RGS7: variants seen among roughly 807,000 people sequenced by gnomAD.
RGS7 encodes regulator of G-protein signaling 7.
RGS7 carries 27 observed loss-of-function variants against 81.1 expected under a neutral mutation model. That is an observed-to-expected ratio of 0.33 (90% CI 0.25 to 0.46). The LOEUF (loss-of-function observed/expected upper bound fraction) is 0.46, where lower values mean the gene tolerates loss of function less well. Among genes scored for constraint, RGS7 ranks in the 20% least tolerant of loss-of-function variants. The pLI, the probability that RGS7 is intolerant of heterozygous loss-of-function variation, is 1.00. For synonymous variants in RGS7, 208 were observed against 207.7 expected (o/e 1.00, Z -0.01); for missense variants, 396 against 607.4 (o/e 0.65, Z 3.66).
chr1:240,869,665 C>T (rs1449921777), intron 7 of RGS7, among the ~76,000 whole-genome samples: 2 of 152,242 alleles, frequency 1.3e-5, no homozygotes, highest in East Asian at 1.9e-4. Flanking sequence ...TGAGGCTGGG[C>T]GTGGTGGCTC....
At chr1:241,015,188 A>G (rs573423866) in intron 3 of RGS7, among the ~76,000 whole-genome samples, 173 of 152,320 alleles carry the variant, frequency 1.1e-3, no homozygotes, top group African/African-American at 4.0e-3. Context: ...ATCTTCTAAG[A>G]TAATCCTTTG....
chr1:240,830,439 G>A (rs573511219), intron 9 of RGS7, among the ~76,000 whole-genome samples: 121 of 152,294 alleles, frequency 7.9e-4, no homozygotes, highest in African/African-American at 2.8e-3. Context: ...TGTTCTGGGG[G>A]TGCTTGGCCC....
At chr1:241,228,014 A>T (rs1229982280) in intron 2 of RGS7, among the ~76,000 whole-genome samples, 1 of 152,076 alleles carries the variant, frequency 6.6e-6, no homozygotes, top group Non-Finnish European at 1.5e-5. Context: ...AGCCAACAGG[A>T]GGTGGTGGTG....
intron 2 of RGS7, among the ~76,000 whole-genome samples, chr1:241,105,871 A>G (rs1240873205): frequency 6.6e-6 from 1 of 152,234 alleles, no homozygotes; most frequent in Non-Finnish European, 1.5e-5. Context: ...GCATTTGGAG[A>G]TATAAATGGG....
intron 2 of RGS7, among the ~76,000 whole-genome samples, chr1:241,255,342 A>T (rs745723671): frequency 6.6e-6 from 1 of 152,188 alleles, no homozygotes; most frequent in East Asian, 1.9e-4. Flanking sequence ...ATTAATCATC[A>T]CCTAAAATCC....
intron 3 of RGS7, among the ~76,000 whole-genome samples, chr1:240,991,656 A>C (rs1387873857): frequency 2.0e-5 from 3 of 152,338 alleles, no homozygotes; most frequent in African/African-American, 7.2e-5. Context: ...CTTTTTAAAG[A>C]CCATTTTATA....
chr1:240,875,888 T>G (rs1459469436), intron 6 of RGS7, among the ~76,000 whole-genome samples: 1 of 152,326 alleles, frequency 6.6e-6, no homozygotes, highest in Non-Finnish European at 1.5e-5. Context: ...GGCTTATTCG[T>G]CTTCCTGCTT....
intron 2 of RGS7, among the ~76,000 whole-genome samples, chr1:241,247,685 G>C (rs1366822741): frequency 1.3e-5 from 2 of 151,572 alleles, no homozygotes; most frequent in African/African-American, 4.9e-5. Context: ...GACTAACCAA[G>C]GTTCCTTTTC....
intron 6 of RGS7, chr1:240,920,188 C>T (rs190264485): frequency 2.8e-6 from 3 of 1,075,126 alleles, no homozygotes; most frequent in Non-Finnish European, 4.3e-6. Flanking sequence ...GTTAGGAAAG[C>T]CCTGTCAAAG....
chr1:241,029,929 G>A lies in RGS7; in HGVS notation c.176-46800C>T, dbSNP rs150140068. 3.3e-3 allele frequency among the ~76,000 whole-genome samples: 504 copies of A among 152,240 alleles called. 4 individuals are homozygous for A. The highest frequency in any genetic ancestry group is 6.1e-3 in the Non-Finnish European group (414 of 68,022). ...TAAAAATAATCAGTTGTGGCAATAC[G>A]TGAAGCGGAGAGGCACAGATAACAG... On this transcript the variant is annotated intron_variant, in intron 3 of 18. Coordinates refer to ENST00000440928, the MANE Select transcript of RGS7 (RefSeq NM_001364886.1).
chr1:240,963,884 C>T (rs1472511109), intron 4 of RGS7, among the ~76,000 whole-genome samples: 3 of 152,178 alleles, frequency 2.0e-5, no homozygotes, highest in Non-Finnish European at 4.4e-5. Context: ...TGGTGGCCCA[C>T]GCCTGTAATC....
intron 3 of RGS7, among the ~76,000 whole-genome samples, chr1:241,062,456 T>C (rs192153801): frequency 3.2e-4 from 49 of 152,350 alleles, no homozygotes; most frequent in Non-Finnish European, 6.3e-4. Flanking sequence ...GGTGAAAATT[T>C]GATCAGAGAG....
chr1:240,892,854 G>T (rs1668485133), intron 6 of RGS7, among the ~76,000 whole-genome samples: 1 of 151,940 alleles, frequency 6.6e-6, no homozygotes, highest in African/African-American at 2.4e-5. Context: ...ATCATTCTTT[G>T]CTCAATTAAA....
At chr1:241,282,483 C>A (rs930012142) in intron 2 of RGS7, among the ~76,000 whole-genome samples, 1 of 152,110 alleles carries the variant, frequency 6.6e-6, no homozygotes, top group African/African-American at 2.4e-5. Flanking sequence ...ATGTATATTT[C>A]TTGGAATTTT....
intron 2 of RGS7, among the ~76,000 whole-genome samples, chr1:241,270,889 G>A (rs1401867158): frequency 6.8e-6 from 1 of 147,250 alleles, no homozygotes; most frequent in African/African-American, 2.5e-5. Context: ...CTCCCCAGTA[G>A]CTGGGGCTAC....
intron 9 of RGS7, among the ~76,000 whole-genome samples, chr1:240,830,963 G>A (rs984232923): frequency 2.0e-5 from 3 of 152,140 alleles, no homozygotes; most frequent in Non-Finnish European, 2.9e-5. Context: ...TGAACCATTA[G>A]CTTACATCTG....
At chr1:240,932,337 G>C (rs1245794138) in intron 5 of RGS7, among the ~76,000 whole-genome samples, 1 of 152,080 alleles carries the variant, frequency 6.6e-6, no homozygotes, top group Non-Finnish European at 1.5e-5. Context: ...TAAACTGCTA[G>C]ACAAAAGAGG....
intron 2 of RGS7, among the ~76,000 whole-genome samples, chr1:241,310,651 C>CA (rs1397270061): frequency 1.3e-5 from 2 of 151,438 alleles, no homozygotes; most frequent in African/African-American, 4.9e-5. Flanking sequence ...ACCAGGGAGT[C>CA]AATGACTGCC....
intron 3 of RGS7, among the ~76,000 whole-genome samples, chr1:241,037,312 C>A (rs1403921245): frequency 4.6e-5 from 7 of 152,120 alleles, no homozygotes; most frequent in Admixed American, 4.6e-4. Context: ...CTTCAATTAG[C>A]CTCTAACTCT....
Sources: gnomAD v4.1 joint callset for allele counts (sites outside exome capture counted in the v4.1 genomes callset) on GRCh38, gnomAD v4.1.1 for gene constraint, MANE v1.5 for transcripts, NCBI Gene and HGNC (gene_info 2026-07-23, HGNC 2026-07-21) for gene names.